TRAK1: variants seen among roughly 807,000 people sequenced by gnomAD.
TRAK1 encodes the protein trafficking kinesin protein 1, also known as trafficking kinesin-binding protein 1.
Under a neutral mutation model 92.1 loss-of-function variants are expected in TRAK1, and 33 were observed. That is an observed-to-expected ratio of 0.36 (90% CI 0.27 to 0.48). The LOEUF (loss-of-function observed/expected upper bound fraction) is 0.48. Among genes scored for constraint, TRAK1 ranks in the 20% least tolerant of loss-of-function variants. The probability of loss-of-function intolerance (pLI) is 0.99; values close to 1 mark genes in which losing one functional copy is unlikely to be tolerated. For synonymous variants in TRAK1, 521 were observed against 517.3 expected (o/e 1.01, Z -0.10); for missense variants, 1,123 against 1,257.9 (o/e 0.89, Z 1.62).
Position 42,134,876 on chromosome 3 carries a change from G to A in TRAK1, c.286+9262G>A, listed in dbSNP as rs181796697. ...TTACAGGCATGAGCCACTGCACCTG[G>A]CCTTTTTTTTTTCTTTAGAGACAGT... On this transcript the variant is annotated intron_variant, in intron 2 of 15. Transcript: ENST00000327628. Among the ~76,000 whole-genome samples the A allele has an allele frequency of 3.5e-3, 527 of 151,726 alleles. 3 individuals carry two copies. Among genetic ancestry groups the A allele is most frequent in the African/African-American group, 0.012 (485 of 41,366 alleles).
intron 13 of TRAK1, among the ~76,000 whole-genome samples, chr3:42,208,485 T>C (rs984568037): frequency 1.3e-5 from 2 of 152,212 alleles, no homozygotes; most frequent in African/African-American, 4.8e-5. Context: ...TCGGCCTGCC[T>C]GTGTTCCCTT....
intron 7 of TRAK1, 142 bp downstream of exon 7, chr3:42,191,778 C>A: frequency 1.3e-6 from 1 of 740,980 alleles, no homozygotes; most frequent in Non-Finnish European, 2.1e-6. Flanking sequence ...GCCTCCCCAA[C>A]CTTGTGTGGC....
chr3:42,133,063 C>T (rs1217706385), intron 2 of TRAK1, among the ~76,000 whole-genome samples: 1 of 152,242 alleles, frequency 6.6e-6, no homozygotes, highest in Non-Finnish European at 1.5e-5. Flanking sequence ...CATCCCTGGA[C>T]AGCTGTAACT....
chr3:42,178,960 C>T (rs937953222), intron 3 of TRAK1, among the ~76,000 whole-genome samples: 1 of 151,948 alleles, frequency 6.6e-6, no homozygotes, highest in Non-Finnish European at 1.5e-5. Flanking sequence ...GGCACCAGAG[C>T]GAGACTCTGT....
At chr3:42,198,014 T>G (rs1233806505) in intron 10 of TRAK1, among the ~76,000 whole-genome samples, 5 of 152,256 alleles carry the variant, frequency 3.3e-5, no homozygotes, top group African/African-American at 1.2e-4. Flanking sequence ...GGTTTCCACA[T>G]GTACATATGT....
chr3:42,180,688 A>G (rs553247043), intron 3 of TRAK1, among the ~76,000 whole-genome samples: 392 of 151,968 alleles, frequency 2.6e-3, no homozygotes, highest in Middle Eastern at 6.8e-3. Context: ...AAAAAAAAAA[A>G]AAAAAAAGAA....
At chr3:42,143,040 G>T (rs1698869617) in intron 2 of TRAK1, among the ~76,000 whole-genome samples, 1 of 152,212 alleles carries the variant, frequency 6.6e-6, no homozygotes, top group Non-Finnish European at 1.5e-5. Context: ...AAGGAGCCCT[G>T]TTAAGGTCTA....
At chr3:42,029,056 G>A (rs1274244688) in intron 1 of TRAK1, among the ~76,000 whole-genome samples, 1 of 152,060 alleles carries the variant, frequency 6.6e-6, no homozygotes, top group Admixed American at 6.6e-5. Context: ...AGGCAAAGGG[G>A]GAGCCAGCAC....
intron 1 of TRAK1, among the ~76,000 whole-genome samples, chr3:42,116,310 A>G (rs1329685985): frequency 6.6e-6 from 1 of 152,222 alleles, no homozygotes; most frequent in Non-Finnish European, 1.5e-5. Context: ...AGTAGTTTTT[A>G]GCTCTAATGT....
At chr3:42,149,534 C>T in intron 2 of TRAK1, 1 of 1,536,120 alleles carries the variant, frequency 6.5e-7, no homozygotes, top group South Asian at 1.2e-5. Context: ...AGACTACTGA[C>T]TATGCAGAAA....
intron 1 of TRAK1, among the ~76,000 whole-genome samples, chr3:42,111,380 A>G (rs1708370924): frequency 6.8e-6 from 1 of 147,278 alleles, no homozygotes; most frequent in East Asian, 2.0e-4. Flanking sequence ...AAGCCACAGG[A>G]TTAGAAGTTA....
intron 2 of TRAK1, chr3:42,160,092 C>A: frequency 1.3e-5 from 11 of 860,722 alleles, no homozygotes; most frequent in African/African-American, 1.7e-5. Context: ...GCAGGGCATT[C>A]CCACCCCGCC....
chr3:42,030,394 C>T (rs1372079388), intron 1 of TRAK1, among the ~76,000 whole-genome samples: 5 of 131,408 alleles, frequency 3.8e-5, no homozygotes, highest in Admixed American at 2.3e-4. Context: ...TATATATGGC[C>T]GGGCGTGGTA....
At chr3:42,172,912 G>A (rs952174602) in intron 2 of TRAK1, among the ~76,000 whole-genome samples, 1 of 152,158 alleles carries the variant, frequency 6.6e-6, no homozygotes, top group African/African-American at 2.4e-5. Context: ...TTGGGAGGCC[G>A]AGGCAGGTGG....
intron 1 of TRAK1, chr3:42,051,595 A>G (rs1157792903): frequency 1.3e-5 from 2 of 152,280 alleles, no homozygotes; most frequent in Admixed American, 6.5e-5. Flanking sequence ...TCCTGGGCCA[A>G]CATCTGCAGC....
intron 1 of TRAK1, among the ~76,000 whole-genome samples, chr3:42,053,241 C>G (rs1052596870): frequency 6.6e-6 from 1 of 151,864 alleles, no homozygotes; most frequent in Admixed American, 6.6e-5. Context: ...GTTTACAGTT[C>G]GTGTAGTGTG....
intron 3 of TRAK1, among the ~76,000 whole-genome samples, chr3:42,177,821 G>C (rs1031416907): frequency 2.0e-5 from 3 of 152,084 alleles, no homozygotes; most frequent in African/African-American, 7.2e-5. Flanking sequence ...TTCTCTTCCT[G>C]GTCCTGCCAT....
chr3:42,045,725 G>T (rs1702726847), intron 1 of TRAK1, among the ~76,000 whole-genome samples: 1 of 152,102 alleles, frequency 6.6e-6, no homozygotes, highest in Non-Finnish European at 1.5e-5. Context: ...TTACACCTGT[G>T]GTTGGGATCC....
intron 14 of TRAK1, chr3:42,210,706 C>T (rs1708922575): frequency 1.0e-6 from 1 of 987,660 alleles, no homozygotes; most frequent in Admixed American, 6.1e-5. Flanking sequence ...TTCTTTTCAG[C>T]TTACACATGT....
Sources: gnomAD v4.1 joint callset for allele counts (sites outside exome capture counted in the v4.1 genomes callset) on GRCh38, gnomAD v4.1.1 for gene constraint, MANE v1.5 for transcripts, NCBI Gene and HGNC (gene_info 2026-07-23, HGNC 2026-07-21) for gene names.